Variants in CNTN5 observed in about 807,000 individuals in gnomAD.
CNTN5 encodes contactin 5.
A neutral mutation model predicts 129.1 loss-of-function variants in CNTN5; 77 were observed. The observed-to-expected ratio is 0.60, with a 90% CI of 0.50 to 0.72. CNTN5 has a LOEUF of 0.72. CNTN5 is among the 30% of genes least tolerant of loss of function. CNTN5 has a pLI of 0.00. For synonymous variants in CNTN5, 509 were observed against 465.6 expected (o/e 1.09, Z -1.20); for missense variants, 1,478 against 1,328.8 (o/e 1.11, Z -1.75).
chr11:99,256,609 A>G, intron 1 of CNTN5, among the ~76,000 whole-genome samples: 1 of 152,128 alleles, frequency 6.6e-6, no homozygotes. Context: ...TATATTTATT[A>G]CCAATGGAAA....
chr11:99,479,266 C>T (rs963876429), intron 2 of CNTN5, among the ~76,000 whole-genome samples: 4 of 147,752 alleles, frequency 2.7e-5, no homozygotes, highest in African/African-American at 9.9e-5. Flanking sequence ...GCCCTTCACA[C>T]TTTTTTTTTT....
chr11:99,768,399 G>A (rs752197288), intron 3 of CNTN5, among the ~76,000 whole-genome samples: 1 of 151,976 alleles, frequency 6.6e-6, no homozygotes, highest in South Asian at 2.1e-4. Context: ...TATAATACGC[G>A]AAGTATTTAA....
Position 99,993,044 on chromosome 11 carries a change from G to A in CNTN5, c.878-8990G>A, listed in dbSNP as rs535266873. On this transcript the variant is annotated intron_variant, in intron 8 of 24. Coordinates refer to ENST00000524871, the MANE Select transcript of CNTN5 (RefSeq NM_014361.4). The stretch of plus-strand genomic sequence containing the variant: ...AGACAAGCCTGATATTTTGATCTTT[G>A]ACTGTGTGTCTTATGGGACTGTCTC... 7.0e-4 allele frequency among the ~76,000 whole-genome samples: 107 copies of A among 152,260 alleles called. 1 individual carries two copies. The highest frequency in any genetic ancestry group is 2.6e-3 in the Admixed American group (39 of 15,284).
At chr11:99,060,699 C>G (rs1199743669) in intron 1 of CNTN5, among the ~76,000 whole-genome samples, 1 of 151,860 alleles carries the variant, frequency 6.6e-6, no homozygotes, top group African/African-American at 2.4e-5. Context: ...CATCATTTTG[C>G]ATTGAATTTG....
At chr11:99,430,736 G>C (rs368235955) in intron 2 of CNTN5, among the ~76,000 whole-genome samples, 7 of 151,760 alleles carry the variant, frequency 4.6e-5, no homozygotes, top group Non-Finnish European at 7.4e-5. Flanking sequence ...CAAAAGGTTG[G>C]GGGGGCGGGG....
At chr11:99,762,420 T>C (rs181292327) in intron 3 of CNTN5, among the ~76,000 whole-genome samples, 69 of 152,148 alleles carry the variant, frequency 4.5e-4, no homozygotes, top group Admixed American at 4.4e-3. Flanking sequence ...AAGTCTTTAA[T>C]CCATCTTGAA....
chr11:100,105,067 C>T (rs1005536038), intron 13 of CNTN5, among the ~76,000 whole-genome samples: 1 of 152,134 alleles, frequency 6.6e-6, no homozygotes, highest in Admixed American at 6.5e-5. Context: ...TCCTCCGCAT[C>T]GCAATTGGAA....
intron 7 of CNTN5, among the ~76,000 whole-genome samples, chr11:99,944,695 C>A (rs1011326823): frequency 6.6e-6 from 1 of 151,978 alleles, no homozygotes; most frequent in South Asian, 2.1e-4. Context: ...GTGCAAAAAT[C>A]GCAAGCATTC....
chr11:100,167,275 G>A (rs1254429460), intron 13 of CNTN5, among the ~76,000 whole-genome samples: 1 of 151,924 alleles, frequency 6.6e-6, no homozygotes, highest in East Asian at 1.9e-4. Flanking sequence ...GTAAGATACT[G>A]TGTGTAAGAG....
At chr11:99,368,589 T>C (rs1939610836) in intron 2 of CNTN5, among the ~76,000 whole-genome samples, 1 of 152,188 alleles carries the variant, frequency 6.6e-6, no homozygotes, top group South Asian at 2.1e-4. Context: ...AATAAGTTAA[T>C]AATCAGTGTT....
chr11:100,079,025 A>G (rs1176449516), intron 13 of CNTN5, among the ~76,000 whole-genome samples: 1 of 152,144 alleles, frequency 6.6e-6, no homozygotes, highest in Non-Finnish European at 1.5e-5. Flanking sequence ...GGCAGGAAGG[A>G]GAAGTGCCAA....
intron 1 of CNTN5, among the ~76,000 whole-genome samples, chr11:99,209,030 CTATTTTAATAA>C (rs1859628957): frequency 6.6e-6 from 1 of 151,988 alleles, no homozygotes; most frequent in Non-Finnish European, 1.5e-5. Flanking sequence ...AATATAAAAT[CTATTTTAATAA>C]TGTTGCAAAT....
chr11:100,100,449 G>A (rs948599304), intron 13 of CNTN5, among the ~76,000 whole-genome samples: 1 of 151,996 alleles, frequency 6.6e-6, no homozygotes, highest in African/African-American at 2.4e-5. Context: ...CTGTCCAGCT[G>A]GAGTTCTACA....
intron 6 of CNTN5, among the ~76,000 whole-genome samples, chr11:99,889,331 TGTGTGTGTGTGTG>T (rs1948993061): frequency 1.7e-5 from 1 of 57,226 alleles, no homozygotes; most frequent in Non-Finnish European, 4.5e-5. Context: ...TGTGTGTGTG[TGTGTGTGTGTGTG>T]TGTGTGTGTG....
intron 3 of CNTN5, among the ~76,000 whole-genome samples, chr11:99,621,897 C>G (rs1950962565): frequency 6.6e-6 from 1 of 152,156 alleles, no homozygotes; most frequent in South Asian, 2.1e-4. Context: ...TGCCTTTAAG[C>G]AGAAATGTTG....
At chr11:99,566,479 C>T (rs1044876564) in intron 3 of CNTN5, among the ~76,000 whole-genome samples, 2 of 152,102 alleles carry the variant, frequency 1.3e-5, no homozygotes, top group Admixed American at 6.5e-5. Flanking sequence ...CTTTTCCCAG[C>T]GTGTTTTGTC....
At chr11:99,271,879 C>T (rs151248648) in intron 1 of CNTN5, among the ~76,000 whole-genome samples, 28 of 151,940 alleles carry the variant, frequency 1.8e-4, no homozygotes, top group African/African-American at 5.8e-4. Flanking sequence ...ATGTGTTTTA[C>T]GACCTACCTT....
chr11:100,222,746 G>C (rs1337578467), intron 15 of CNTN5, among the ~76,000 whole-genome samples: 1 of 151,760 alleles, frequency 6.6e-6, no homozygotes, highest in Non-Finnish European at 1.5e-5. Context: ...AATCCTCCCT[G>C]ATTTGTGAGG....
At chr11:99,747,047 C>T (rs2135193249) in intron 3 of CNTN5, among the ~76,000 whole-genome samples, 1 of 152,252 alleles carries the variant, frequency 6.6e-6, no homozygotes, top group South Asian at 2.1e-4. Flanking sequence ...TTCTTCAATC[C>T]ATAAATATGA....
Sources: allele counts gnomAD v4.1 joint callset (sites outside exome capture counted in the v4.1 genomes callset), GRCh38; gene constraint gnomAD v4.1.1; transcripts MANE v1.5; gene names NCBI Gene and HGNC (gene_info 2026-07-23, HGNC 2026-07-21).